The following PTDSS1 variants were observed in gnomAD, a reference collection of about 807,000 sequenced individuals.
PTDSS1 encodes the protein phosphatidylserine synthase 1, also known as PSS-1.
PTDSS1 carries 45 observed loss-of-function variants against 70.5 expected under a neutral mutation model. The ratio of observed to expected loss-of-function variants is 0.64; its 90% CI spans 0.50 to 0.82. The LOEUF is 0.82. PTDSS1 is among the 40% of genes least tolerant of loss of function. The pLI, the probability that PTDSS1 is intolerant of heterozygous loss-of-function variation, is 0.00. For synonymous variants in PTDSS1, 188 were observed against 203.8 expected (o/e 0.92, Z 0.66); for missense variants, 417 against 586.1 (o/e 0.71, Z 2.98).
At chr8:96,325,899 C>T (rs530364782) in intron 10 of PTDSS1, among the ~76,000 whole-genome samples, 4 of 152,250 alleles carry the variant, frequency 2.6e-5, no homozygotes, top group African/African-American at 9.6e-5. Context: ...CTTCCTTAGT[C>T]ACCATTCAAG....
At chr8:96,296,322 T>C (rs1210275635) in intron 5 of PTDSS1, among the ~76,000 whole-genome samples, 1 of 151,952 alleles carries the variant, frequency 6.6e-6, no homozygotes, top group East Asian at 1.9e-4. Flanking sequence ...GTATTTTTAG[T>C]AGAGACGGGG....
At chr8:96,298,066 T>C (rs1810999871) in intron 5 of PTDSS1, among the ~76,000 whole-genome samples, 1 of 152,180 alleles carries the variant, frequency 6.6e-6, no homozygotes, top group Non-Finnish European at 1.5e-5. Context: ...TTTCAGCAAA[T>C]ATGTGTCATT....
chr8:96,322,192 A>G (rs1226961417), intron 10 of PTDSS1, among the ~76,000 whole-genome samples: 1 of 152,140 alleles, frequency 6.6e-6, no homozygotes, highest in African/African-American at 2.4e-5. Context: ...GGCAGCAGTG[A>G]CCAGAAAGGT....
intron 3 of PTDSS1, among the ~76,000 whole-genome samples, chr8:96,285,691 A>T (rs1230382124): frequency 6.6e-6 from 1 of 151,968 alleles, no homozygotes; most frequent in African/African-American, 2.4e-5. Context: ...CTATAGATAG[A>T]CCCATTCCCT....
intron 10 of PTDSS1, among the ~76,000 whole-genome samples, chr8:96,324,616 C>T (rs1811414173): frequency 6.6e-6 from 1 of 152,174 alleles, no homozygotes; most frequent in Non-Finnish European, 1.5e-5. Flanking sequence ...CCAAACTCAT[C>T]CTTTTTATCA....
chr8:96,333,783 C>T lies in PTDSS1; in HGVS notation c.*217C>T. The T allele has an allele frequency of 1.4e-6, 1 of 702,212 alleles. No homozygotes were observed. 43.5% of individuals were successfully genotyped at this position (702,212 alleles called of 1,614,324 possible). On this transcript the variant is annotated 3_prime_UTR_variant, in exon 13 of 13. Transcript: ENST00000517309. ...TGGGGGGCCTTTGCCAACGTGGGGT[C>T]TCTTCTAACTTCAGCACTTGACATG...
At chr8:96,328,590 G>A (rs537868448) in intron 10 of PTDSS1, among the ~76,000 whole-genome samples, 67 of 152,320 alleles carry the variant, frequency 4.4e-4, no homozygotes, top group Non-Finnish European at 8.4e-4. Flanking sequence ...CGCTGCTTGT[G>A]CTTCTCACTC....
intron 11 of PTDSS1, chr8:96,330,658 G>A (rs1231035049): frequency 8.2e-6 from 3 of 365,942 alleles, no homozygotes; most frequent in African/African-American, 2.0e-5. Flanking sequence ...CTGGGCAAAC[G>A]CTTGCCCTGA....
chr8:96,286,565 T>G (rs2130055329), intron 3 of PTDSS1, among the ~76,000 whole-genome samples: 1 of 152,306 alleles, frequency 6.6e-6, no homozygotes, highest in South Asian at 2.1e-4. Context: ...CCCACTTAAC[T>G]TACAATCATA....
At chr8:96,307,449 CAAAAAAAAAAA>C (rs56284473) in intron 8 of PTDSS1, among the ~76,000 whole-genome samples, 2,704 of 50,632 alleles carry the variant, frequency 0.053, 62 homozygotes, top group Non-Finnish European at 0.073. Flanking sequence ...TCAATATTAC[CAAAAAAAAAAA>C]AAAAAAAAAA....
chr8:96,334,053 T>A lies in PTDSS1; in HGVS notation c.*487T>A. ...TCTTTTATTTGGTTACTGTTGTTATTTGTTTTTAAGTTAGGATGCTTTTTA... is the reference window on the plus strand; with the variant it reads ...TCTTTTATTTGGTTACTGTTGTTATATGTTTTTAAGTTAGGATGCTTTTTA... On this transcript the variant is annotated 3_prime_UTR_variant, in exon 13 of 13. Coordinates refer to ENST00000517309, the MANE Select transcript of PTDSS1 (RefSeq NM_014754.3). The A allele has an allele frequency of 2.4e-6, 1 of 416,358 alleles. No individual in the cohort carries two copies. Among genetic ancestry groups the A allele is most frequent in the Non-Finnish European group, 4.2e-6 (1 of 235,318 alleles). 25.8% of individuals were successfully genotyped at this position (416,358 alleles called of 1,614,324 possible).
intron 10 of PTDSS1, 98 bp downstream of exon 10, chr8:96,320,443 CT>C: frequency 9.7e-7 from 1 of 1,034,768 alleles, no homozygotes; most frequent in Non-Finnish European, 1.5e-6. Context: ...ATCAAAGTTC[CT>C]TAGAAATTCA....
intron 9 of PTDSS1, among the ~76,000 whole-genome samples, chr8:96,309,924 A>G (rs1171838719): frequency 1.3e-5 from 2 of 151,898 alleles, no homozygotes; most frequent in Non-Finnish European, 2.9e-5. Context: ...TCACTTTGGG[A>G]GCCCGAGGTG....
rs758655652 is a variant in PTDSS1, at chr8:96,333,523, G to C, written c.1379G>C (p.Arg460Pro). ...NESHSSRRRN[R>P]HSKSKVTNGV... ...AGCCATTCTTCCAGGAGAAGGAATC[G>C]GCATTCCAAGTCAAAAGTCACCAAT... Residue 460 changes from arginine to proline, a missense_variant, in exon 13 of 13, where the codon CGG (arginine) becomes CCG (proline). Physicochemically the swap from Arg to Pro is moderately radical, Grantham distance 103. Coordinates refer to ENST00000517309, the MANE Select transcript of PTDSS1 (RefSeq NM_014754.3). 1.2e-6 allele frequency: 2 copies of C among 1,613,938 alleles called. No homozygotes were observed. Among genetic ancestry groups the C allele is most frequent in the Non-Finnish European group, 1.7e-6 (2 of 1,179,884 alleles).
chr8:96,320,072 G>A (rs1190492013), intron 9 of PTDSS1, among the ~76,000 whole-genome samples, 174 bp from the exon 10 acceptor site: 2 of 152,194 alleles, frequency 1.3e-5, no homozygotes, highest in Admixed American at 6.5e-5. Flanking sequence ...TATTATTTCC[G>A]AAGTAAATGC....
At chr8:96,293,874 C>T (rs949915082) in intron 4 of PTDSS1, among the ~76,000 whole-genome samples, 1 of 149,796 alleles carries the variant, frequency 6.7e-6, no homozygotes, top group Admixed American at 6.6e-5. Context: ...CGTGGCCCTG[C>T]TCCTTAACCT....
chr8:96,334,904 G>T lies in PTDSS1; in HGVS notation c.*1338G>T, dbSNP rs373110033. ...GTTCCCTCATTTCACACAGCACAAA[G>T]GTTCGTTCTGATGTTTCTTCTTCTT... On this transcript the variant is annotated 3_prime_UTR_variant, in exon 13 of 13. Coordinates refer to ENST00000517309, the MANE Select transcript of PTDSS1 (RefSeq NM_014754.3). 4.6e-5 allele frequency: 7 copies of T among 152,236 alleles called. No homozygotes were observed. In the East Asian group the frequency reaches 9.6e-4, roughly 21 times the overall value. 9.4% of individuals were successfully genotyped at this position (152,236 alleles called of 1,614,324 possible).
At chr8:96,295,067 C>G (rs938870225) in intron 4 of PTDSS1, 31 bp from the exon 5 acceptor site, 2 of 1,567,626 alleles carry the variant, frequency 1.3e-6, no homozygotes, top group South Asian at 2.4e-5. Flanking sequence ...TCTAGAGTTT[C>G]ACTAATTATT....
In PTDSS1 at chr8:96,333,246, C is replaced by T. The variant is rs145964806; in HGVS notation, c.1313-211C>T. On this transcript the variant is annotated intron_variant, in intron 12 of 12. Transcript: ENST00000517309. ...CAGGAACCACCCAGACTTTGGGGCG[C>T]TATTGCGTTGAACCCCGCGCCACCG... Among the ~76,000 whole-genome samples the T allele has an allele frequency of 2.6e-3, 393 of 152,304 alleles. 1 individual carries two copies. The highest frequency in any genetic ancestry group is 9.2e-3 in the African/African-American group (381 of 41,588).
Sources: gnomAD v4.1 joint callset for allele counts (sites outside exome capture counted in the v4.1 genomes callset) on GRCh38, gnomAD v4.1.1 for gene constraint, MANE v1.5 for transcripts, NCBI Gene and HGNC (gene_info 2026-07-23, HGNC 2026-07-21) for gene names.